DHRS3: variants seen among roughly 807,000 people sequenced by gnomAD.
DHRS3 encodes short-chain dehydrogenase/reductase 3.
DHRS3 carries 14 observed loss-of-function variants against 27.2 expected under a neutral mutation model. That is an observed-to-expected ratio of 0.52 (90% CI 0.34 to 0.81). The LOEUF (loss-of-function observed/expected upper bound fraction) is 0.81, where lower values mean the gene tolerates loss of function less well. Ranked by LOEUF, DHRS3 falls within the 30% of genes least tolerant of loss-of-function variation. DHRS3 has a pLI of 0.01. For missense variants in DHRS3, 322 were observed against 406.2 expected, an observed-to-expected ratio of 0.79 and a Z score of 1.78; for synonymous variants, 165 against 175.9, an observed-to-expected ratio of 0.94 and a Z score of 0.49.
In DHRS3 at chr1:12,579,293, C is replaced by A; in HGVS notation, c.459G>T (p.Trp153Cys). Residue 153 changes from tryptophan to cysteine, a missense_variant and splice_region_variant, in exon 3 of 6, where the codon TGG (tryptophan) becomes TGT (cysteine). Trp to Cys is a radical substitution (Grantham distance 215). Coordinates refer to ENST00000616661, the MANE Select transcript of DHRS3 (RefSeq NM_004753.7). ...GGCTCTGGCCCCGGATAGCCCTTACCCAGAACTGGCCCAGGGTGTTGATGT... is the reference window on the plus strand; with the variant it reads ...GGCTCTGGCCCCGGATAGCCCTTACACAGAACTGGCCCAGGGTGTTGATGT... ...SQHINTLGQF[W>C]TTKAFLPRML... 6.2e-7 allele frequency: 1 copy of A among 1,614,112 alleles called. No individual in the cohort carries two copies. Among genetic ancestry groups the A allele is most frequent in the Non-Finnish European group, 8.5e-7 (1 of 1,180,016 alleles).
chr1:12,578,961 G>A lies in DHRS3; in HGVS notation c.460-5C>T, dbSNP rs1358056720. On this transcript the variant is annotated splice_polypyrimidine_tract_variant and splice_region_variant and intron_variant, in intron 3 of 5. Coordinates refer to ENST00000616661, the MANE Select transcript of DHRS3 (RefSeq NM_004753.7). This position sits in a 1 kb window ranked among gnomAD's most constrained non-coding sequence, Gnocchi z 4.5. ...CGGCAGGAAGGCCTTGGTGGTCTGA[G>A]GGCAGATGGGGTGTCAGGGTGGAGC... 4 of 1,608,884 alleles carry A rather than the reference G, an allele frequency of 2.5e-6. No individual in the cohort carries two copies. Among genetic ancestry groups the A allele is most frequent in the Non-Finnish European group, 3.4e-6 (4 of 1,177,990 alleles).
At chr1:12,589,524 G>A (rs1384234081) in intron 1 of DHRS3, among the ~76,000 whole-genome samples, 1 of 151,868 alleles carries the variant, frequency 6.6e-6, no homozygotes, top group Non-Finnish European at 1.5e-5. Flanking sequence ...AAGTAGCTGG[G>A]ATCACAGGTG....
rs72642695 is a variant in DHRS3, at chr1:12,595,128, G to A, written c.196-14462C>T. On this transcript the variant is annotated intron_variant, in intron 1 of 5. Coordinates refer to ENST00000616661, the MANE Select transcript of DHRS3 (RefSeq NM_004753.7). Reference sequence around the variant, plus strand: ...GCGGTGAGCGAGAAAGCAGTTCCAGGTGGCAAAGGCAGCTCCGGGGGAAGA... The same window carrying A: ...GCGGTGAGCGAGAAAGCAGTTCCAGATGGCAAAGGCAGCTCCGGGGGAAGA... Among the ~76,000 whole-genome samples, 505 of 152,210 alleles carry A rather than the reference G, an allele frequency of 3.3e-3. 1 individual carries two copies. The highest frequency in any genetic ancestry group is 5.6e-3 in the Non-Finnish European group (384 of 67,976).
At chr1:12,572,459 T>A (rs1054587186) in intron 5 of DHRS3, among the ~76,000 whole-genome samples, 4 of 152,334 alleles carry the variant, frequency 2.6e-5, no homozygotes, top group Admixed American at 2.6e-4. Context: ...CGTGAGCCAC[T>A]GCGCCTGGCC....
chr1:12,589,345 G>A (rs567423331), intron 1 of DHRS3, among the ~76,000 whole-genome samples: 34 of 151,650 alleles, frequency 2.2e-4, no homozygotes, highest in African/African-American at 8.0e-4. Flanking sequence ...TAACCTCTAT[G>A]AATTAAGGTT....
intron 1 of DHRS3, among the ~76,000 whole-genome samples, chr1:12,584,103 A>C (rs1363172485): frequency 6.6e-6 from 1 of 152,034 alleles, no homozygotes; most frequent in Non-Finnish European, 1.5e-5. Flanking sequence ...TGGGGCTTGC[A>C]CAGTCCCCTG....
At position 12,579,365 on chromosome 1, in the gene DHRS3, C is replaced by T; in HGVS notation, c.387G>A (p.Gly129=). The T allele has an allele frequency of 1.9e-6, 3 of 1,614,182 alleles. No homozygotes were observed. Among genetic ancestry groups the T allele is most frequent in the Non-Finnish European group, 2.5e-6 (3 of 1,180,038 alleles). ...CATCATCACTGTCCATTAGGCTCTT[C>T]CCATGGACCACGGCGGCATTGTTCA... ...ILVNNAAVVH[G]KSLMDSDDDA... The change falls in exon 3 of 6, where the codon GGG becomes GGA. Residue 129 remains glycine, a synonymous_variant. Coordinates refer to ENST00000616661, the MANE Select transcript of DHRS3 (RefSeq NM_004753.7).
chr1:12,617,256 G>T lies in DHRS3; in HGVS notation c.93C>A (p.Ala31=). 6.2e-7 allele frequency: 1 copy of T among 1,613,812 alleles called. No homozygotes were observed. The highest frequency in any genetic ancestry group is 8.5e-7 in the Non-Finnish European group (1 of 1,179,994). ...VKAAVGLVLP[A]KLRDLSRENV... ...TCTCCCGCGACAGGTCCCGCAGCTT[G>T]GCGGGCAGCACCAGTCCGACGGCTG... The change falls in exon 1 of 6, where the codon GCC becomes GCA. Residue 31 remains alanine, a synonymous_variant. Coordinates refer to ENST00000616661, the MANE Select transcript of DHRS3 (RefSeq NM_004753.7).
At chr1:12,595,383 T>C (rs1355608857) in intron 1 of DHRS3, among the ~76,000 whole-genome samples, 2 of 95,500 alleles carry the variant, frequency 2.1e-5, no homozygotes, top group African/African-American at 4.0e-5. Flanking sequence ...TTTCTGAAAG[T>C]GGGCCCAGGG....
At chr1:12,570,791 C>T (rs1646529208) in intron 5 of DHRS3, among the ~76,000 whole-genome samples, 1 of 152,196 alleles carries the variant, frequency 6.6e-6, no homozygotes, top group Non-Finnish European at 1.5e-5. Flanking sequence ...AGGAGCATCT[C>T]AGACCCGAGG....
intron 1 of DHRS3, among the ~76,000 whole-genome samples, chr1:12,584,886 T>C (rs976733426): frequency 6.6e-6 from 1 of 152,146 alleles, no homozygotes; most frequent in African/African-American, 2.4e-5. Flanking sequence ...TAAGTGTGTG[T>C]GTGTGTGTGT....
At chr1:12,587,224 C>G (rs1646704460) in intron 1 of DHRS3, among the ~76,000 whole-genome samples, 1 of 150,938 alleles carries the variant, frequency 6.6e-6, no homozygotes, top group African/African-American at 2.4e-5. Flanking sequence ...CTCACTGCAG[C>G]CTCCATTTCC....
chr1:12,568,462 G>GT, intron 5 of DHRS3, 38 bp from the exon 6 acceptor site: 1 of 1,600,970 alleles, frequency 6.2e-7, no homozygotes, highest in Non-Finnish European at 8.6e-7. Flanking sequence ...GCGATGGTTA[G>GT]TGGGGCAGGA....
At chr1:12,601,651 A>G (rs1646836582) in intron 1 of DHRS3, among the ~76,000 whole-genome samples, 1 of 152,132 alleles carries the variant, frequency 6.6e-6, no homozygotes, top group East Asian at 1.9e-4. Flanking sequence ...CTGCCTGGCT[A>G]CGGACTCCAC....
chr1:12,582,962 A>ACC, intron 1 of DHRS3, among the ~76,000 whole-genome samples: 1 of 133,798 alleles, frequency 7.5e-6, no homozygotes, highest in South Asian at 2.5e-4. Flanking sequence ...CCACTCACCT[A>ACC]CTTCTCCACC....
Position 12,618,067 on chromosome 1 carries a change from G to C in DHRS3, c.-719C>G, listed in dbSNP as rs1163384472. On this transcript the variant is annotated 5_prime_UTR_variant, in exon 1 of 6. Transcript: ENST00000616661. The surrounding 1 kb of genome is among the most constrained non-coding windows in gnomAD (Gnocchi z 4.2). The stretch of plus-strand genomic sequence containing the variant: ...CCCTCGCGCGCGCTCGCTCGCTCCG[G>C]CTCCCTCCCTCCCTCTCTGTTCCAG... Among the ~76,000 whole-genome samples the C allele has an allele frequency of 1.3e-5, 2 of 151,954 alleles. No individual in the cohort carries two copies. The highest frequency in any genetic ancestry group is 2.9e-5 in the Non-Finnish European group (2 of 67,994).
chr1:12,580,293 CG>C (rs1275258254), intron 2 of DHRS3: 1 of 568,052 alleles, frequency 1.8e-6, no homozygotes, highest in Admixed American at 2.8e-5. Context: ...GAAACCCACA[CG>C]GTCTACATTT....
chr1:12,587,906 C>A (rs1646711443), intron 1 of DHRS3, among the ~76,000 whole-genome samples: 1 of 152,220 alleles, frequency 6.6e-6, no homozygotes, highest in Non-Finnish European at 1.5e-5. Context: ...TGGCAAGTGA[C>A]TGTCTATTCA....
At chr1:12,590,463 A>G (rs1646736146) in intron 1 of DHRS3, among the ~76,000 whole-genome samples, 1 of 152,084 alleles carries the variant, frequency 6.6e-6, no homozygotes, top group Non-Finnish European at 1.5e-5. Context: ...GGCATGCGCC[A>G]CCACGCCCGG....
Sources: allele counts gnomAD v4.1 joint callset (sites outside exome capture counted in the v4.1 genomes callset), GRCh38; gene constraint gnomAD v4.1.1; non-coding constraint Gnocchi (gnomAD v3.1); transcripts MANE v1.5; gene names NCBI Gene and HGNC (gene_info 2026-07-23, HGNC 2026-07-21).